Variants in SUPT3H observed in about 807,000 individuals in gnomAD.
The protein encoded by SUPT3H is transcription initiation protein SPT3 homolog.
A neutral mutation model predicts 44.3 loss-of-function variants in SUPT3H; 44 were observed. The observed-to-expected ratio is 0.99, with a 90% CI of 0.78 to 1.28. The LOEUF is 1.28. Ranked by LOEUF, SUPT3H falls within the 50% of genes most tolerant of loss-of-function variation. The pLI is 0.00. For synonymous variants in SUPT3H, 124 were observed against 125.6 expected (o/e 0.99, Z 0.09); for missense variants, 380 against 387.1 (o/e 0.98, Z 0.15).
At position 45,282,916 on chromosome 6, in the gene SUPT3H, G is replaced by T. The variant is rs530709522; in HGVS notation, c.101+82285C>A. On this transcript the variant is annotated intron_variant, in intron 2 of 10. Coordinates refer to ENST00000371459, the MANE Select transcript of SUPT3H (RefSeq NM_003599.4). ...CAGAAACTCTACAAGCCAGAAGAGA[G>T]TGGGGGCCAACATTCAACATTCTTA... is the stretch of plus-strand genomic sequence containing the variant. Among the ~76,000 whole-genome samples, 7 of 152,348 alleles carry T rather than the reference G, an allele frequency of 4.6e-5. No individual in the cohort carries two copies. In the East Asian group the frequency reaches 1.2e-3, roughly 25 times the overall value.
intron 3 of SUPT3H, among the ~76,000 whole-genome samples, chr6:45,084,400 T>A (rs986874290): frequency 2.0e-5 from 3 of 152,154 alleles, no homozygotes; most frequent in Admixed American, 1.3e-4. Flanking sequence ...AATTTCCATA[T>A]CATTCGTCAT....
intron 2 of SUPT3H, chr6:45,322,017 T>C: frequency 1.7e-6 from 1 of 583,320 alleles, no homozygotes; most frequent in Non-Finnish European, 3.0e-6. Context: ...AGTTTTAATA[T>C]TGTTAATACT....
Position 45,077,375 on chromosome 6 carries a change from C to T in SUPT3H, c.186+28547G>A, listed in dbSNP as rs62438865. 1.8e-3 allele frequency among the ~76,000 whole-genome samples: 273 copies of T among 151,962 alleles called. 1 individual carries two copies. Among genetic ancestry groups the T allele is most frequent in the Non-Finnish European group, 3.1e-3 (208 of 67,960 alleles). On this transcript the variant is annotated intron_variant, in intron 3 of 10. Coordinates refer to ENST00000371459, the MANE Select transcript of SUPT3H (RefSeq NM_003599.4). ...GGCATGGTGGCTCATGCCTATAATC[C>T]CAGCACTTTGGCAGGTTGAAGTGGG...
At chr6:45,303,088 C>G (rs1376961518) in intron 2 of SUPT3H, among the ~76,000 whole-genome samples, 1 of 152,118 alleles carries the variant, frequency 6.6e-6, no homozygotes, top group African/African-American at 2.4e-5. Flanking sequence ...GAAACTGGAT[C>G]CTTATCTCTC....
chr6:45,073,368 G>T (rs1293562881), intron 3 of SUPT3H, among the ~76,000 whole-genome samples: 1 of 151,752 alleles, frequency 6.6e-6, no homozygotes, highest in Non-Finnish European at 1.5e-5. Flanking sequence ...TCTACCCATG[G>T]ATTTGTTATA....
chr6:44,885,059 G>C (rs1215263206), intron 10 of SUPT3H, among the ~76,000 whole-genome samples: 1 of 152,174 alleles, frequency 6.6e-6, no homozygotes, highest in East Asian at 1.9e-4. Flanking sequence ...AGTGAGGCTG[G>C]GGAAGGGGCA....
At chr6:44,930,941 T>C (rs1268372279) in intron 10 of SUPT3H, among the ~76,000 whole-genome samples, 2 of 152,178 alleles carry the variant, frequency 1.3e-5, no homozygotes, top group African/African-American at 2.4e-5. Flanking sequence ...CTAACAGTCT[T>C]AGATTGTAAA....
intron 3 of SUPT3H, among the ~76,000 whole-genome samples, chr6:45,072,684 G>A (rs1794543472): frequency 6.6e-6 from 1 of 152,056 alleles, no homozygotes; most frequent in African/African-American, 2.4e-5. Context: ...ATTGGTTAAA[G>A]TATTCGTAAA....
chr6:45,219,579 C>T lies in SUPT3H; in HGVS notation c.102-113573G>A, dbSNP rs552729544. On this transcript the variant is annotated intron_variant, in intron 2 of 10. Transcript: ENST00000371459. Reference sequence around the variant, plus strand: ...AAACCACACAGTACCAAAATACAACCAGTGTGAAATGGATAATATGAACTG... The same window carrying T: ...AAACCACACAGTACCAAAATACAACTAGTGTGAAATGGATAATATGAACTG... Among the ~76,000 whole-genome samples the T allele has an allele frequency of 1.1e-4, 17 of 152,134 alleles. No individual in the cohort carries two copies. In the South Asian group the frequency reaches 3.5e-3, roughly 32 times the overall value.
chr6:45,141,078 G>A (rs1805098812), intron 2 of SUPT3H, among the ~76,000 whole-genome samples: 1 of 152,068 alleles, frequency 6.6e-6, no homozygotes, highest in Non-Finnish European at 1.5e-5. Flanking sequence ...AGTGGCTCAT[G>A]CCTGTAATCC....
At chr6:45,316,271 T>C (rs1017277081) in intron 2 of SUPT3H, among the ~76,000 whole-genome samples, 5 of 152,048 alleles carry the variant, frequency 3.3e-5, no homozygotes, top group Non-Finnish European at 7.4e-5. Flanking sequence ...AAATCTCCAC[T>C]AAAGAACTTA....
At chr6:45,150,677 T>C (rs1388392404) in intron 2 of SUPT3H, among the ~76,000 whole-genome samples, 1 of 151,900 alleles carries the variant, frequency 6.6e-6, no homozygotes, top group Non-Finnish European at 1.5e-5. Flanking sequence ...GAAGGCTCGA[T>C]TCTCAGACCA....
At chr6:45,315,868 G>A (rs1784593631) in intron 2 of SUPT3H, among the ~76,000 whole-genome samples, 1 of 151,900 alleles carries the variant, frequency 6.6e-6, no homozygotes, top group Non-Finnish European at 1.5e-5. Context: ...GCAAAATCAT[G>A]GAACCAACCC....
intron 6 of SUPT3H, among the ~76,000 whole-genome samples, chr6:44,982,090 C>T (rs1392342538): frequency 2.0e-5 from 3 of 152,082 alleles, no homozygotes; most frequent in African/African-American, 7.2e-5. Flanking sequence ...ATTTAAAAAG[C>T]AAAGAAATAT....
intron 2 of SUPT3H, among the ~76,000 whole-genome samples, chr6:45,175,451 C>T (rs1760316544): frequency 6.6e-6 from 1 of 152,084 alleles, no homozygotes; most frequent in South Asian, 2.1e-4. Flanking sequence ...GGGAAACTGC[C>T]CCCATGATTC....
At chr6:44,887,218 A>G (rs1762461438) in intron 10 of SUPT3H, among the ~76,000 whole-genome samples, 1 of 152,174 alleles carries the variant, frequency 6.6e-6, no homozygotes, top group Non-Finnish European at 1.5e-5. Context: ...ACGAGACAGA[A>G]AGTTAACAAG....
chr6:45,086,299 T>C (rs1796467320), intron 3 of SUPT3H, among the ~76,000 whole-genome samples: 1 of 152,042 alleles, frequency 6.6e-6, no homozygotes, highest in South Asian at 2.1e-4. Flanking sequence ...CACCTAGTTG[T>C]GTAAAATCGG....
At chr6:45,004,328 T>C (rs1187556761) in intron 5 of SUPT3H, among the ~76,000 whole-genome samples, 2 of 151,754 alleles carry the variant, frequency 1.3e-5, no homozygotes, top group Admixed American at 6.6e-5. Context: ...AATAGCAAAA[T>C]GAATAACACA....
At chr6:45,158,656 T>G (rs544254176) in intron 2 of SUPT3H, among the ~76,000 whole-genome samples, 1 of 152,072 alleles carries the variant, frequency 6.6e-6, no homozygotes, top group Admixed American at 6.6e-5. Flanking sequence ...CTTCCTTGTA[T>G]GGTTATCGCT....
Sources: allele counts gnomAD v4.1 joint callset (sites outside exome capture counted in the v4.1 genomes callset), GRCh38; gene constraint gnomAD v4.1.1; transcripts MANE v1.5; gene names NCBI Gene and HGNC (gene_info 2026-07-23, HGNC 2026-07-21).